The following MVD variants were observed in gnomAD, a reference collection of about 807,000 sequenced individuals.
MVD encodes the protein mevalonate diphosphate decarboxylase, also known as diphosphomevalonate decarboxylase.
In MVD, 52 loss-of-function variants were observed where a neutral mutation model predicts 42.4. The observed-to-expected ratio is 1.23, with a 90% confidence interval of 0.98 to 1.55. The LOEUF is 1.55. MVD is among the 40% of genes most tolerant of loss of function. The probability of loss-of-function intolerance (pLI) is 0.00; values close to 1 mark genes in which losing one functional copy is unlikely to be tolerated. For synonymous variants in MVD, 287 were observed against 243.2 expected (o/e 1.18, Z -1.68); for missense variants, 663 against 572.1 (o/e 1.16, Z -1.62).
intron 1 of MVD, among the ~76,000 whole-genome samples, chr16:88,661,667 G>A (rs760434219): frequency 2.6e-5 from 4 of 151,932 alleles, no homozygotes; most frequent in South Asian, 2.1e-4. Flanking sequence ...CACGTCACTG[G>A]CCAACAGGGA....
chr16:88,657,833 G>C lies in MVD; in HGVS notation c.256+82C>G, dbSNP rs577363708. The C allele has an allele frequency of 5.3e-5, 76 of 1,436,332 alleles. No individual in the cohort carries two copies. In the African/African-American group the frequency reaches 1.0e-3, roughly 19 times the overall value. 89.0% of individuals were successfully genotyped at this position (1,436,332 alleles called of 1,614,324 possible). A position where few individuals can be genotyped will look rare whatever the true frequency, so the allele number is the denominator to read the frequency against. On this transcript the variant is annotated intron_variant, in intron 3 of 9. Coordinates refer to ENST00000301012, the MANE Select transcript of MVD (RefSeq NM_002461.3). Reference sequence around the variant, plus strand: ...CCACCCCGCCTGCTGCCTCAGGAGGGGCACAGAGGCAGAAGCACTTTCTGG... The same window carrying C: ...CCACCCCGCCTGCTGCCTCAGGAGGCGCACAGAGGCAGAAGCACTTTCTGG...
intron 4 of MVD, 60 bp downstream of exon 4, chr16:88,657,376 G>C: frequency 5.2e-6 from 8 of 1,537,660 alleles, no homozygotes; most frequent in Non-Finnish European, 3.5e-6. Context: ...CCCGGGAAGA[G>C]CATGAAGTGG....
intron 3 of MVD, 37 bp from the exon 4 acceptor site, chr16:88,657,619 C>T (rs1567616382): frequency 1.2e-6 from 2 of 1,600,076 alleles, no homozygotes; most frequent in Non-Finnish European, 1.7e-6. Context: ...GCCCAGCCGT[C>T]AGCACCCTGC....
chr16:88,653,204 G>A (rs1355010908), intron 9 of MVD, 96 bp downstream of exon 9: 1 of 924,766 alleles, frequency 1.1e-6, no homozygotes, highest in African/African-American at 1.7e-5. Flanking sequence ...GGTAGGGACA[G>A]GGAGCCGCGC....
intron 1 of MVD, chr16:88,658,969 T>G: frequency 4.2e-6 from 2 of 471,736 alleles, no homozygotes; most frequent in Non-Finnish European, 7.9e-6. Flanking sequence ...CATTCCTTCA[T>G]CGCTTCTACT....
intron 9 of MVD, 80 bp downstream of exon 9, chr16:88,653,220 C>T (rs1210333945): frequency 1.6e-5 from 19 of 1,181,944 alleles, no homozygotes; most frequent in Non-Finnish European, 2.2e-5. Flanking sequence ...CGCGCTTAGC[C>T]TTTAAGGGCC....
intron 1 of MVD, 104 bp downstream of exon 1, chr16:88,662,907 C>A: frequency 1.3e-6 from 2 of 1,524,234 alleles, no homozygotes; most frequent in South Asian, 1.2e-5. Flanking sequence ...CTGTCGAGGC[C>A]CTGGGAGGGC....
chr16:88,652,211 C>A lies in MVD; in HGVS notation c.*314G>T, dbSNP rs1057079279. Reference sequence around the variant, plus strand: ...TGAGCTCCTTTCTCAGAGAACTGGGCATAGCCAGAGCTGGGGTGAGAAAGC... The same window carrying A: ...TGAGCTCCTTTCTCAGAGAACTGGGAATAGCCAGAGCTGGGGTGAGAAAGC... On this transcript the variant is annotated 3_prime_UTR_variant, in exon 10 of 10. Transcript: ENST00000301012. 3 of 502,026 alleles carry A rather than the reference C, an allele frequency of 6.0e-6. No homozygotes were observed. Among genetic ancestry groups the A allele is most frequent in the African/African-American group, 5.8e-5 (3 of 51,286 alleles). 31.1% of individuals were successfully genotyped at this position (502,026 alleles called of 1,614,324 possible).
At chr16:88,657,269 A>T (rs1418773656) in intron 4 of MVD, 167 bp downstream of exon 4, 1 of 957,832 alleles carries the variant, frequency 1.0e-6, no homozygotes, top group African/African-American at 1.6e-5. Context: ...AAATGTTCAG[A>T]TGTGCTCTGG....
chr16:88,658,634 G>T lies in MVD; in HGVS notation c.141+16C>A, dbSNP rs535957220. On this transcript the variant is annotated intron_variant, in intron 2 of 9. Transcript: ENST00000301012. ...GGAAATGGCACTGTGGTGTTTAGTC[G>T]TCAGTCCACACATACCTGGTCCTGG... 10 of 1,612,024 alleles carry T rather than the reference G, an allele frequency of 6.2e-6. No homozygotes were observed. The highest frequency in any genetic ancestry group is 1.7e-6 in the Non-Finnish European group (2 of 1,178,660).
rs529892701 is a variant in MVD, at chr16:88,654,886, G to C, written c.898-79C>G. On this transcript the variant is annotated intron_variant, in intron 7 of 9. Coordinates refer to ENST00000301012, the MANE Select transcript of MVD (RefSeq NM_002461.3). The stretch of plus-strand genomic sequence containing the variant: ...CCCCAACCCTCTGGTCTGCCAGGCG[G>C]CCTTGGGCTCTCCAAGAGCTCAGTC... 9.5e-6 allele frequency: 13 copies of C among 1,373,160 alleles called. No homozygotes were observed. The East Asian group carries it at 2.9e-4, about 31-fold the overall frequency. The allele number at this position is 1,373,160 out of a possible 1,614,324, so 85.1% of individuals were successfully genotyped here.
rs546127665 is a variant in MVD at position 88,652,602 on chromosome 16, C to G, written c.1126G>C (p.Gly376Arg). Residue 376 changes from glycine (G) to arginine (R), a missense_variant, in exon 10 of 10, where the codon GGG becomes CGG. Gly to Arg is a moderately radical substitution (Grantham distance 125). Transcript: ENST00000301012. ...TCATCCAGGATTTGAGGCCCTGGCC[C>G]CACCTGGGGATAGAAATCCATGTCA... is the stretch of plus-strand genomic sequence containing the variant. Reference protein sequence around the residue: ...GVKYIIVTQVGPGPQILDDPC... With the variant: ...GVKYIIVTQVRPGPQILDDPC... 5.8e-6 allele frequency: 9 copies of G among 1,556,758 alleles called. No individual in the cohort carries two copies. The highest frequency in any genetic ancestry group is 2.7e-5 in the African/African-American group (2 of 73,482).
chr16:88,662,821 C>G, intron 1 of MVD, 190 bp downstream of exon 1: 1 of 1,458,800 alleles, frequency 6.9e-7, no homozygotes, highest in Non-Finnish European at 9.0e-7. Context: ...CGGGTGGCGC[C>G]GAGCTTGTCA....
At position 88,657,904 on chromosome 16, in the gene MVD, C is replaced by A; in HGVS notation, c.256+11G>T. 2 of 1,611,822 alleles carry A rather than the reference C, an allele frequency of 1.2e-6. No individual in the cohort carries two copies. Among genetic ancestry groups the A allele is most frequent in the African/African-American group, 1.3e-5 (1 of 75,040 alleles). On this transcript the variant is annotated intron_variant, in intron 3 of 9. Coordinates refer to ENST00000301012, the MANE Select transcript of MVD (RefSeq NM_002461.3). ...ACAGGGAGGGATGGGCTTATGGGGA[C>A]CCCAGCTCACTCTCCCGCAGGCAGG... is the stretch of plus-strand genomic sequence containing the variant.
At chr16:88,659,671 GAAACAGACT>G (rs1423112005) in intron 1 of MVD, among the ~76,000 whole-genome samples, 8 of 152,088 alleles carry the variant, frequency 5.3e-5, no homozygotes, top group African/African-American at 1.9e-4. Flanking sequence ...TAGCAACACA[GAAACAGACT>G]CCTGGCCGGG....
Position 88,657,478 on chromosome 16 carries a change from C to A in MVD, c.361G>T (p.Ala121Ser). The A allele has an allele frequency of 6.2e-7, 1 of 1,612,542 alleles. No individual in the cohort carries two copies. Among genetic ancestry groups the A allele is most frequent in the Non-Finnish European group, 8.5e-7 (1 of 1,179,830 alleles). ...GCCGCTGAGGAGGCCAGGCCCGCAG[C>A]CGTGGGGAAGTTGTTCACCGATGCC... is the stretch of plus-strand genomic sequence containing the variant. Reference protein sequence around the residue: ...HVASVNNFPTAAGLASSAAGY... With the variant: ...HVASVNNFPTSAGLASSAAGY... The change falls in exon 4 of 10, where the codon GCT becomes TCT. Residue 121 changes from alanine (A) to serine (S), a missense_variant. Ala to Ser is a moderately conservative substitution (Grantham distance 99). Coordinates refer to ENST00000301012, the MANE Select transcript of MVD (RefSeq NM_002461.3).
chr16:88,659,005 G>A (rs1002125501), intron 1 of MVD: 6 of 445,140 alleles, frequency 1.3e-5, no homozygotes, highest in African/African-American at 6.0e-5. Context: ...GCCCAGGTGC[G>A]GATCGCTCCC....
Position 88,658,031 on chromosome 16 carries a change from T to G in MVD, c.142-2A>C. On this transcript the variant is annotated splice_acceptor_variant, in intron 2 of 9. Coordinates refer to ENST00000301012, the MANE Select transcript of MVD (RefSeq NM_002461.3). LOFTEE classifies it high-confidence loss of function. The stretch of plus-strand genomic sequence containing the variant: ...GACGGCTGTTGTGGTGGTTTTTAAC[T>G]GAAAAGGAAACCCAGGGCCACCTCA... 6.2e-7 allele frequency: 1 copy of G among 1,613,850 alleles called. No homozygotes were observed. Among genetic ancestry groups the G allele is most frequent in the Admixed American group, 1.7e-5 (1 of 60,032 alleles).
At chr16:88,658,826 G>A in intron 1 of MVD, 106 bp from the exon 2 acceptor site, 1 of 859,268 alleles carries the variant, frequency 1.2e-6, no homozygotes, top group East Asian at 2.8e-5. Flanking sequence ...ATCCGCCTCA[G>A]TCCCGTCTCT....
Sources: gnomAD v4.1 joint callset for allele counts (sites outside exome capture counted in the v4.1 genomes callset) on GRCh38, gnomAD v4.1.1 for gene constraint, MANE v1.5 for transcripts, NCBI Gene and HGNC (gene_info 2026-07-23, HGNC 2026-07-21) for gene names.